ENTHD1: variants seen among roughly 807,000 people sequenced by gnomAD.
The protein encoded by ENTHD1 is ENTH domain containing 1.
In ENTHD1, 23 loss-of-function variants were observed where a neutral mutation model predicts 39.1. That is an observed-to-expected ratio of 0.59 (90% CI 0.42 to 0.83). The LOEUF is 0.83. Among genes scored for constraint, ENTHD1 ranks in the 40% least tolerant of loss-of-function variants. The pLI is 0.00. For missense variants in ENTHD1, 624 were observed against 705.4 expected, an observed-to-expected ratio of 0.88 and a Z score of 1.31; for synonymous variants, 230 against 258.2, an observed-to-expected ratio of 0.89 and a Z score of 1.05.
At chr22:39,756,921 C>T (rs1417484801) in intron 6 of ENTHD1, among the ~76,000 whole-genome samples, 1 of 152,070 alleles carries the variant, frequency 6.6e-6, no homozygotes, top group Non-Finnish European at 1.5e-5. Context: ...TAGGAGTCCT[C>T]CAACTTTGTT....
intron 4 of ENTHD1, among the ~76,000 whole-genome samples, chr22:39,830,505 G>T (rs1402476566): frequency 6.6e-6 from 1 of 152,126 alleles, no homozygotes; most frequent in Non-Finnish European, 1.5e-5. Flanking sequence ...TTGGGGAAAG[G>T]CATCAGGAAC....
chr22:39,773,661 A>G (rs906703726), intron 5 of ENTHD1, among the ~76,000 whole-genome samples: 2 of 152,212 alleles, frequency 1.3e-5, no homozygotes, highest in Admixed American at 1.3e-4. Context: ...GACAGATATA[A>G]TGCTTTAGGA....
intron 3 of ENTHD1, 25 bp downstream of exon 3, chr22:39,861,740 T>A: frequency 7.0e-7 from 1 of 1,434,048 alleles, no homozygotes; most frequent in Non-Finnish European, 9.3e-7. Context: ...CTGTTGCATT[T>A]TAGGCCAATG....
chr22:39,797,728 T>C (rs1049477552), intron 5 of ENTHD1, among the ~76,000 whole-genome samples: 2 of 151,326 alleles, frequency 1.3e-5, no homozygotes, highest in African/African-American at 4.9e-5. Flanking sequence ...GGCTGGAAAG[T>C]TTTTTTCTTT....
chr22:39,751,478 A>G (rs1276363394), intron 6 of ENTHD1, among the ~76,000 whole-genome samples: 4 of 152,244 alleles, frequency 2.6e-5, no homozygotes, highest in Admixed American at 1.3e-4. Context: ...AGATCCAGCA[A>G]TCAACTGGCT....
At chr22:39,884,777 C>T (rs967342194) in intron 2 of ENTHD1, among the ~76,000 whole-genome samples, 5 of 152,102 alleles carry the variant, frequency 3.3e-5, no homozygotes, top group South Asian at 2.1e-4. Context: ...ATGGTCTTTT[C>T]GATAAATGGT....
chr22:39,886,861 G>A (rs2066382899), intron 2 of ENTHD1, among the ~76,000 whole-genome samples: 1 of 151,996 alleles, frequency 6.6e-6, no homozygotes, highest in Non-Finnish European at 1.5e-5. Flanking sequence ...TCCAGCCTGT[G>A]GAAATATTTC....
At chr22:39,826,390 T>C (rs1353204416) in intron 4 of ENTHD1, among the ~76,000 whole-genome samples, 1 of 152,124 alleles carries the variant, frequency 6.6e-6, no homozygotes, top group East Asian at 1.9e-4. Flanking sequence ...GCTTTTTGTA[T>C]CATTCCTTTT....
Position 39,765,686 on chromosome 22 carries a change from A to G in ENTHD1, c.833-77T>C, listed in dbSNP as rs929203990. ...CTATTTCAAATCTGTTATAATTTTA[A>G]TAAATAGGATTTTTTAATGTCATAA... On this transcript the variant is annotated intron_variant, in intron 5 of 6. Transcript: ENST00000325157. The G allele has an allele frequency of 6.0e-6, 8 of 1,342,388 alleles. No homozygotes were observed. The African/African-American group carries it at 1.0e-4, about 17-fold the overall frequency. 83.2% of individuals were successfully genotyped at this position (1,342,388 alleles called of 1,614,324 possible).
At chr22:39,892,424 G>A (rs2066433746) in intron 1 of ENTHD1, among the ~76,000 whole-genome samples, 1 of 152,234 alleles carries the variant, frequency 6.6e-6, no homozygotes, top group Admixed American at 6.5e-5. Context: ...TTCAAGAGTA[G>A]TGCCATGTCT....
chr22:39,771,490 A>AAAAC (rs907669826), intron 5 of ENTHD1, among the ~76,000 whole-genome samples: 4 of 152,330 alleles, frequency 2.6e-5, no homozygotes, highest in Admixed American at 6.5e-5. Flanking sequence ...AAAACAAAAC[A>AAAAC]AAACAAACAA....
In ENTHD1 at chr22:39,792,871, G is replaced by C. The variant is rs1277566153; in HGVS notation, c.833-27262C>G. On this transcript the variant is annotated intron_variant, in intron 5 of 6. Coordinates refer to ENST00000325157, the MANE Select transcript of ENTHD1 (RefSeq NM_152512.4). ...AGGTTGATTCCAAAGCTTTGCTATT[G>C]TGAATAATGCTTCAGTAAACACGGG... is the stretch of plus-strand genomic sequence containing the variant. Among the ~76,000 whole-genome samples, 7 of 152,088 alleles carry C rather than the reference G, an allele frequency of 4.6e-5. No homozygotes were observed. The East Asian group carries it at 1.3e-3, about 29-fold the overall frequency.
intron 1 of ENTHD1, among the ~76,000 whole-genome samples, chr22:39,891,305 T>C (rs1569184804): frequency 1.3e-5 from 2 of 152,206 alleles, no homozygotes; most frequent in Non-Finnish European, 1.5e-5. Context: ...TGGAAGCTCC[T>C]TGGGGGCAGG....
At chr22:39,777,602 C>T (rs1484013949) in intron 5 of ENTHD1, among the ~76,000 whole-genome samples, 1 of 152,090 alleles carries the variant, frequency 6.6e-6, no homozygotes, top group Admixed American at 6.6e-5. Flanking sequence ...AAATACAGAT[C>T]TGGACACATG....
At chr22:39,760,233 C>A (rs1220109386) in intron 6 of ENTHD1, among the ~76,000 whole-genome samples, 2 of 151,924 alleles carry the variant, frequency 1.3e-5, no homozygotes, top group Non-Finnish European at 2.9e-5. Flanking sequence ...ATAATAAAAT[C>A]TCAAATTAAA....
At chr22:39,844,036 C>T (rs539478426) in intron 3 of ENTHD1, among the ~76,000 whole-genome samples, 1 of 152,210 alleles carries the variant, frequency 6.6e-6, no homozygotes, top group South Asian at 2.1e-4. Context: ...TGTACAATTA[C>T]TGTACATCTT....
rs949784836 is a variant in ENTHD1 at position 39,867,420 on chromosome 22, C to T, written c.350-5413G>A. Among the ~76,000 whole-genome samples the T allele has an allele frequency of 4.6e-5, 7 of 151,966 alleles. No individual in the cohort carries two copies. The highest frequency in any genetic ancestry group is 1.0e-4 in the Non-Finnish European group (7 of 67,990). ...CCCTACCAAAATCTACTCTTCTTCC[C>T]ATATTCCTTTCTCGGTGACTTTTAT... On this transcript the variant is annotated intron_variant, in intron 2 of 6. Coordinates refer to ENST00000325157, the MANE Select transcript of ENTHD1 (RefSeq NM_152512.4). The surrounding 1 kb of genome is among the most constrained non-coding windows in gnomAD (Gnocchi z 4.5).
At chr22:39,848,244 T>G (rs1054302091) in intron 3 of ENTHD1, among the ~76,000 whole-genome samples, 3 of 152,198 alleles carry the variant, frequency 2.0e-5, no homozygotes, top group African/African-American at 4.8e-5. Context: ...CTTTTATTTT[T>G]TTTTAATTAA....
intron 4 of ENTHD1, among the ~76,000 whole-genome samples, chr22:39,834,511 C>G (rs2065893938): frequency 6.6e-6 from 1 of 152,106 alleles, no homozygotes; most frequent in African/African-American, 2.4e-5. Flanking sequence ...TGCAGAGCTA[C>G]TGGATCTTTT....
Sources: gnomAD v4.1 joint callset for allele counts (sites outside exome capture counted in the v4.1 genomes callset) on GRCh38, gnomAD v4.1.1 for gene constraint, Gnocchi (gnomAD v3.1) non-coding constraint, MANE v1.5 for transcripts, NCBI Gene and HGNC (gene_info 2026-07-23, HGNC 2026-07-21) for gene names.